FBXL7: variants seen among roughly 807,000 people sequenced by gnomAD.
FBXL7 encodes the protein F-box and leucine rich repeat protein 7.
In FBXL7, 12 loss-of-function variants were observed where a neutral mutation model predicts 38.3. The observed-to-expected ratio is 0.31, with a 90% CI of 0.20 to 0.51. The LOEUF is 0.51. Among genes scored for constraint, FBXL7 ranks in the 20% least tolerant of loss-of-function variants. The pLI, the probability that FBXL7 is intolerant of heterozygous loss-of-function variation, is 0.98. For synonymous variants in FBXL7, 297 were observed against 300.9 expected, an observed-to-expected ratio of 0.99 and a Z score of 0.13; for missense variants, 567 against 676.4, an observed-to-expected ratio of 0.84 and a Z score of 1.79.
chr5:15,603,284 TATTG>T (rs1437911626), intron 1 of FBXL7, among the ~76,000 whole-genome samples: 6 of 152,218 alleles, frequency 3.9e-5, no homozygotes, highest in African/African-American at 1.4e-4. Context: ...TAAATTGAAT[TATTG>T]ATTAAGAATA....
In FBXL7 at chr5:15,594,533, T is replaced by G. The variant is rs553594981; in HGVS notation, c.38-21450T>G. Among the ~76,000 whole-genome samples, 6 of 152,316 alleles carry G rather than the reference T, an allele frequency of 3.9e-5. No individual in the cohort carries two copies. The South Asian group carries it at 1.0e-3, about 26-fold the overall frequency. On this transcript the variant is annotated intron_variant, in intron 1 of 3. Transcript: ENST00000504595. ...TCGCCCAGGGCTAGAAACAGGAGCA[T>G]GACTGCTACTCCCAGCTCACACTGG... is the stretch of plus-strand genomic sequence containing the variant.
intron 2 of FBXL7, among the ~76,000 whole-genome samples, chr5:15,661,920 T>C (rs1742092202): frequency 6.6e-6 from 1 of 152,202 alleles, no homozygotes; most frequent in Non-Finnish European, 1.5e-5. Context: ...CGTTTTCTTT[T>C]GCCAGTTTGT....
chr5:15,534,783 A>T (rs1018736204), intron 1 of FBXL7, among the ~76,000 whole-genome samples: 6 of 152,206 alleles, frequency 3.9e-5, no homozygotes, highest in Admixed American at 2.6e-4. Context: ...CCAGCAGTGA[A>T]TGAGAGTTCT....
intron 2 of FBXL7, among the ~76,000 whole-genome samples, chr5:15,622,491 T>G (rs570857322): frequency 1.3e-5 from 2 of 152,184 alleles, no homozygotes; most frequent in African/African-American, 4.8e-5. Context: ...TGTGTCCAAG[T>G]GTTCTCATTG....
intron 2 of FBXL7, among the ~76,000 whole-genome samples, chr5:15,851,527 C>T (rs1344126249): frequency 2.0e-5 from 3 of 152,138 alleles, no homozygotes; most frequent in Admixed American, 6.5e-5. Flanking sequence ...TACTCTGCAG[C>T]ATAAGGACAT....
At chr5:15,517,260 G>A (rs1736969542) in intron 1 of FBXL7, among the ~76,000 whole-genome samples, 1 of 151,962 alleles carries the variant, frequency 6.6e-6, no homozygotes, top group Non-Finnish European at 1.5e-5. Flanking sequence ...TCATATTGGG[G>A]GTTTTATAAA....
intron 2 of FBXL7, among the ~76,000 whole-genome samples, chr5:15,643,115 C>G (rs532563366): frequency 6.6e-6 from 1 of 152,242 alleles, no homozygotes; most frequent in South Asian, 2.1e-4. Flanking sequence ...TTTTTATGAA[C>G]CATGCAAAGA....
chr5:15,601,301 G>T (rs1739782063), intron 1 of FBXL7, among the ~76,000 whole-genome samples: 1 of 152,102 alleles, frequency 6.6e-6, no homozygotes, highest in Non-Finnish European at 1.5e-5. Flanking sequence ...GCAAATTGTA[G>T]TGATGTTATT....
intron 1 of FBXL7, among the ~76,000 whole-genome samples, chr5:15,613,366 T>C (rs1740320486): frequency 6.6e-6 from 1 of 152,180 alleles, no homozygotes; most frequent in Admixed American, 6.5e-5. Context: ...CAGTCTGCCA[T>C]GTCAACCCAC....
intron 2 of FBXL7, among the ~76,000 whole-genome samples, chr5:15,881,757 T>A (rs1371940870): frequency 6.6e-6 from 1 of 152,206 alleles, no homozygotes; most frequent in Non-Finnish European, 1.5e-5. Flanking sequence ...AGTATTCAGT[T>A]CTTAAAAGTT....
At chr5:15,915,172 G>T (rs1415038861) in intron 2 of FBXL7, among the ~76,000 whole-genome samples, 1 of 152,202 alleles carries the variant, frequency 6.6e-6, no homozygotes, top group Non-Finnish European at 1.5e-5. Context: ...TCCCTGGGTA[G>T]TGTTCCGTAC....
chr5:15,630,495 G>A (rs75383153), intron 2 of FBXL7, among the ~76,000 whole-genome samples: 1 of 149,330 alleles, frequency 6.7e-6, no homozygotes, highest in Non-Finnish European at 1.5e-5. Context: ...TTTTTTTTTG[G>A]TTCACTGATT....
intron 2 of FBXL7, among the ~76,000 whole-genome samples, chr5:15,718,931 T>C (rs1744118969): frequency 6.6e-6 from 1 of 152,208 alleles, no homozygotes; most frequent in African/African-American, 2.4e-5. Flanking sequence ...TCTCCAAGTA[T>C]GTTGGCTACA....
At chr5:15,713,371 G>T (rs1743939545) in intron 2 of FBXL7, among the ~76,000 whole-genome samples, 2 of 152,186 alleles carry the variant, frequency 1.3e-5, no homozygotes, top group African/African-American at 4.8e-5. Flanking sequence ...AATTATGGGA[G>T]CTACAATTCA....
rs532141268 is a variant in FBXL7 at position 15,935,638 on chromosome 5, G to A, written c.740-812G>A. Among the ~76,000 whole-genome samples, 211 of 152,230 alleles carry A rather than the reference G, an allele frequency of 1.4e-3. 1 individual carries two copies. The highest frequency in any genetic ancestry group is 4.4e-3 in the African/African-American group (184 of 41,520). ...AGCTAAGGGCAGGGAAGGGAGTCTTGTTCAAGGGCTACAGCAACAATCCAG... is the reference window on the plus strand; with the variant it reads ...AGCTAAGGGCAGGGAAGGGAGTCTTATTCAAGGGCTACAGCAACAATCCAG... On this transcript the variant is annotated intron_variant, in intron 3 of 3. Transcript: ENST00000504595.
At chr5:15,894,618 G>A (rs1741036545) in intron 2 of FBXL7, among the ~76,000 whole-genome samples, 1 of 152,152 alleles carries the variant, frequency 6.6e-6, no homozygotes. Context: ...AGGTTTTACT[G>A]ATGTCTATGG....
At chr5:15,905,851 G>C (rs1741344862) in intron 2 of FBXL7, among the ~76,000 whole-genome samples, 1 of 152,158 alleles carries the variant, frequency 6.6e-6, no homozygotes, top group South Asian at 2.1e-4. Flanking sequence ...ATCTACCCTT[G>C]TGCCTCCTCT....
intron 2 of FBXL7, among the ~76,000 whole-genome samples, chr5:15,708,842 G>T (rs1743769856): frequency 6.6e-6 from 1 of 152,274 alleles, no homozygotes; most frequent in African/African-American, 2.4e-5. Context: ...AGTGCTCAGT[G>T]CTTGGTAATA....
intron 1 of FBXL7, among the ~76,000 whole-genome samples, chr5:15,544,515 C>A (rs1161735925): frequency 6.6e-6 from 1 of 152,158 alleles, no homozygotes; most frequent in East Asian, 1.9e-4. Context: ...ATTGAGATAT[C>A]TGGTAATACA....
Sources: gnomAD v4.1 joint callset for allele counts (sites outside exome capture counted in the v4.1 genomes callset) on GRCh38, gnomAD v4.1.1 for gene constraint, MANE v1.5 for transcripts, NCBI Gene and HGNC (gene_info 2026-07-23, HGNC 2026-07-21) for gene names.